TPM3: variants seen among roughly 807,000 people sequenced by gnomAD.
The protein encoded by TPM3 is tropomyosin 3, also known as tropomyosin alpha-3 chain.
Under a neutral mutation model 43.1 loss-of-function variants are expected in TPM3, and 16 were observed. The observed-to-expected ratio is 0.37, with a 90% CI of 0.25 to 0.56. The LOEUF is 0.56. TPM3 is among the 20% of genes least tolerant of loss of function. TPM3 has a pLI of 0.77. For synonymous variants in TPM3, 101 were observed against 116.9 expected (o/e 0.86, Z 0.88); for missense variants, 176 against 337.2 (o/e 0.52, Z 3.74).
At chr1:154,170,180 A>G in intron 8 of TPM3, 1 of 565,272 alleles carries the variant, frequency 1.8e-6, no homozygotes, top group East Asian at 3.1e-5. Context: ...CAAATTGCAG[A>G]CTATTTGGTA....
chr1:154,182,731 AGAG>A (rs1003613437), intron 2 of TPM3, among the ~76,000 whole-genome samples: 2 of 151,986 alleles, frequency 1.3e-5, no homozygotes, highest in East Asian at 1.9e-4. Flanking sequence ...GGAGAAAAAA[AGAG>A]GAGGAAAGCC....
Position 154,166,689 on chromosome 1 carries a change from C to CTTTT in TPM3, c.*1244_*1247dup, listed in dbSNP as rs72189266. The CTTTT allele has an allele frequency of 3.9e-5, 36 of 929,616 alleles. No homozygotes were observed. The African/African-American group carries it at 4.3e-4, about 11-fold the overall frequency. 57.6% of individuals were successfully genotyped at this position (929,616 alleles called of 1,614,324 possible). A position where few individuals can be genotyped will look rare whatever the true frequency, so the allele number is the denominator to read the frequency against. ...GCTGTGTAAATTGGAATGCGAATTC[C>CTTTT]TTTTTTTTTTTTGAGATGGAGTCTC... On this transcript the variant is annotated 3_prime_UTR_variant, in exon 10 of 10. Coordinates refer to ENST00000651641, the MANE Select transcript of TPM3 (RefSeq NM_152263.4).
intron 8 of TPM3, 156 bp downstream of exon 8, chr1:154,170,244 C>A: frequency 1.3e-6 from 1 of 746,130 alleles, no homozygotes; most frequent in Non-Finnish European, 2.3e-6. Flanking sequence ...AGAGTTTGAC[C>A]CACTTTGCCT....
chr1:154,187,230 A>G (rs1194798450), intron 2 of TPM3: 1 of 829,926 alleles, frequency 1.2e-6, no homozygotes, highest in East Asian at 1.2e-4. Flanking sequence ...GAAAGCCAGT[A>G]GACAGTATGT....
chr1:154,184,181 C>A (rs895779729), intron 2 of TPM3, among the ~76,000 whole-genome samples: 1 of 151,756 alleles, frequency 6.6e-6, no homozygotes, highest in African/African-American at 2.4e-5. Context: ...CGAGTAGCGC[C>A]CTCCACCACG....
In TPM3 at chr1:154,167,631, A is replaced by G; in HGVS notation, c.*306T>C. 1 of 1,266,456 alleles carries G rather than the reference A, an allele frequency of 7.9e-7. No homozygotes were observed. The highest frequency in any genetic ancestry group is 1.0e-6 in the Non-Finnish European group (1 of 996,552). The allele number at this position is 1,266,456 out of a possible 1,614,324, so 78.5% of individuals were successfully genotyped here. ...GACACACACAAAAGTGGCTTTGATTACATAAGTCAGAGGAGGGGGAGCCTA... is the reference window on the plus strand; with the variant it reads ...GACACACACAAAAGTGGCTTTGATTGCATAAGTCAGAGGAGGGGGAGCCTA... On this transcript the variant is annotated 3_prime_UTR_variant, in exon 10 of 10. Transcript: ENST00000651641.
At chr1:154,171,696 C>CA in intron 5 of TPM3, 2 of 649,424 alleles carry the variant, frequency 3.1e-6, no homozygotes, top group Non-Finnish European at 5.4e-6. Flanking sequence ...TTCCTGGGCT[C>CA]AAAAATGTTT....
chr1:154,176,560 GA>G (rs1662336810), intron 2 of TPM3, among the ~76,000 whole-genome samples: 1 of 143,372 alleles, frequency 7.0e-6, no homozygotes, highest in Non-Finnish European at 1.5e-5. Context: ...ACTGGAGTCA[GA>G]AAAGAAAGTC....
rs936041835 is a variant in TPM3, at chr1:154,162,910, T to C, written c.*5027A>G. 2.0e-5 allele frequency among the ~76,000 whole-genome samples: 3 copies of C among 152,168 alleles called. No individual in the cohort carries two copies. The highest frequency in any genetic ancestry group is 7.2e-5 in the African/African-American group (3 of 41,434). The stretch of plus-strand genomic sequence containing the variant: ...CCAATCTCCCTCTTATTTCCTTCTT[T>C]TTTTTCTCTCCTGCCTCAGCCTCTC... On this transcript the variant is annotated 3_prime_UTR_variant, in exon 10 of 10. Transcript: ENST00000651641.
rs1010813465 is a variant in TPM3 at position 154,184,262 on chromosome 1, C to T, written c.243+6924G>A. Among the ~76,000 whole-genome samples the T allele has an allele frequency of 2.6e-5, 4 of 152,044 alleles. No homozygotes were observed. In the East Asian group the frequency reaches 5.8e-4, roughly 22 times the overall value. Reference sequence around the variant, plus strand: ...CCGTGTTAGCCAGGATGGTCTCGATCTCCTGACCTCGTGATCTGCCGGCCT... The same window carrying T: ...CCGTGTTAGCCAGGATGGTCTCGATTTCCTGACCTCGTGATCTGCCGGCCT... On this transcript the variant is annotated intron_variant, in intron 2 of 9. Transcript: ENST00000651641.
intron 2 of TPM3, among the ~76,000 whole-genome samples, chr1:154,188,606 C>T (rs755651317): frequency 2.7e-4 from 38 of 138,416 alleles, no homozygotes; most frequent in Non-Finnish European, 5.3e-4. Flanking sequence ...ACCCAAGAGG[C>T]GGAGCTTGCA....
chr1:154,174,333 T>C (rs1455544952), intron 3 of TPM3, among the ~76,000 whole-genome samples: 3 of 132,268 alleles, frequency 2.3e-5, no homozygotes, highest in Non-Finnish European at 4.7e-5. Flanking sequence ...AGACTCTGTC[T>C]CAAAAAAATA....
chr1:154,159,636 TA>T (rs5777890), downstream of TPM3, among the ~76,000 whole-genome samples: 92,719 of 151,950 alleles, frequency 0.61, 29,307 homozygotes, highest in East Asian at 0.88. Context: ...CCAAACCTGT[TA>T]AGAGTCAACA....
At chr1:154,172,121 CG>C in intron 5 of TPM3, 1 of 1,613,544 alleles carries the variant, frequency 6.2e-7, no homozygotes, top group Non-Finnish European at 8.5e-7. Context: ...GTGATAGTCA[CG>C]GGGATGGCAC....
At position 154,191,241 on chromosome 1, in the gene TPM3, T is replaced by C; in HGVS notation, c.188A>G (p.Glu63Gly). Residue 63 changes from glutamate (E) to glycine (G), a missense_variant, in exon 2 of 10, where the codon GAA (glutamate) becomes GGA (glycine). By Grantham distance (98) the Glu-to-Gly change is moderately conservative (BLOSUM62 -2). Transcript: ENST00000651641. ...GTEDELDKYS[E>G]ALKDAQEKLE... ...CTTCTCCTGGGCATCCTTCAAAGCT[T>C]CAGAATACTTGTCCAGCTCATCCTC... The C allele has an allele frequency of 6.2e-7, 1 of 1,614,156 alleles. No homozygotes were observed. Among genetic ancestry groups the C allele is most frequent in the Non-Finnish European group, 8.5e-7 (1 of 1,180,034 alleles).
Position 154,164,173 on chromosome 1 carries a change from C to CT in TPM3, c.*3763dup, listed in dbSNP as rs1450221761. Among the ~76,000 whole-genome samples the CT allele has an allele frequency of 1.3e-5, 2 of 151,834 alleles. No homozygotes were observed. The highest frequency in any genetic ancestry group is 2.9e-5 in the Non-Finnish European group (2 of 67,990). The stretch of plus-strand genomic sequence containing the variant: ...TCTTTAACCCCACCACTTTCCTACT[C>CT]TTTTTTTGGGGGGGGTCTCATTCTG... On this transcript the variant is annotated 3_prime_UTR_variant, in exon 10 of 10. Coordinates refer to ENST00000651641, the MANE Select transcript of TPM3 (RefSeq NM_152263.4).
chr1:154,191,822 A>T (rs746626116), intron 1 of TPM3, 80 bp downstream of exon 1: 26 of 1,582,322 alleles, frequency 1.6e-5, no homozygotes, highest in Non-Finnish European at 2.0e-5. Flanking sequence ...ACCAGTAGTC[A>T]CTGTCTTTCC....
At chr1:154,171,615 G>T in intron 5 of TPM3, 127 bp from the exon 6 acceptor site, 1 of 1,027,480 alleles carries the variant, frequency 9.7e-7, no homozygotes, top group Non-Finnish European at 1.5e-6. Context: ...CTGGGGAAGA[G>T]ATGTTCCCAA....
Position 154,165,868 on chromosome 1 carries a change from G to A in TPM3, c.*2069C>T, listed in dbSNP as rs140536164. Among the ~76,000 whole-genome samples the A allele has an allele frequency of 6.0e-3, 915 of 152,038 alleles. 39 individuals are homozygous for A. The highest frequency in any genetic ancestry group is 0.055 in the Admixed American group (834 of 15,276). The stretch of plus-strand genomic sequence containing the variant: ...ACCCATTACATGCCTTCTTCCATGA[G>A]TTTTTCCAATTCATTCCCACTAGGA... On this transcript the variant is annotated 3_prime_UTR_variant, in exon 10 of 10. Coordinates refer to ENST00000651641, the MANE Select transcript of TPM3 (RefSeq NM_152263.4).
Sources: allele counts gnomAD v4.1 joint callset (sites outside exome capture counted in the v4.1 genomes callset), GRCh38; gene constraint gnomAD v4.1.1; transcripts MANE v1.5; gene names NCBI Gene and HGNC (gene_info 2026-07-23, HGNC 2026-07-21).